HCRTR2: variants seen among roughly 807,000 people sequenced by gnomAD.
HCRTR2 encodes the protein hypocretin receptor 2.
HCRTR2 carries 22 observed loss-of-function variants against 49.0 expected under a neutral mutation model. That is an observed-to-expected ratio of 0.45 (90% CI 0.32 to 0.64). The LOEUF is 0.64. Among genes scored for constraint, HCRTR2 ranks in the 30% least tolerant of loss-of-function variants. The probability of loss-of-function intolerance (pLI) is 0.04; values close to 1 mark genes in which losing one functional copy is unlikely to be tolerated. For synonymous variants in HCRTR2, 236 were observed against 205.3 expected (o/e 1.15, Z -1.28); for missense variants, 491 against 559.4 (o/e 0.88, Z 1.23).
chr6:55,275,851 C>T (rs532308782), intron 4 of HCRTR2, among the ~76,000 whole-genome samples: 2 of 152,054 alleles, frequency 1.3e-5, no homozygotes, highest in Admixed American at 6.6e-5. Context: ...CTCAGGTGAC[C>T]GAAAACTGTT....
At chr6:55,267,890 CA>C (rs548406791) in intron 4 of HCRTR2, among the ~76,000 whole-genome samples, 7 of 149,072 alleles carry the variant, frequency 4.7e-5, no homozygotes, top group East Asian at 3.9e-4. Flanking sequence ...CGAGTCCATA[CA>C]AAAAAAAATA....
At chr6:55,180,987 TTA>T (rs1765124066) in intron 1 of HCRTR2, among the ~76,000 whole-genome samples, 1 of 151,510 alleles carries the variant, frequency 6.6e-6, no homozygotes, top group Non-Finnish European at 1.5e-5. Context: ...TTTTGTATTT[TTA>T]GTAGAGATGG....
intron 1 of HCRTR2, among the ~76,000 whole-genome samples, chr6:55,195,050 A>T (rs1765385838): frequency 6.6e-6 from 1 of 152,150 alleles, no homozygotes; most frequent in South Asian, 2.1e-4. Context: ...ATGATCACCA[A>T]ACTTACCAGG....
At chr6:55,198,828 C>G (rs908903998) in intron 1 of HCRTR2, among the ~76,000 whole-genome samples, 1 of 152,188 alleles carries the variant, frequency 6.6e-6, no homozygotes, top group Non-Finnish European at 1.5e-5. Flanking sequence ...TCCCTAGTCC[C>G]CATACTGCCA....
chr6:55,174,732 C>T lies in HCRTR2; in HGVS notation c.145C>T (p.His49Tyr). 1.2e-6 allele frequency: 2 copies of T among 1,614,098 alleles called. No homozygotes were observed. Among genetic ancestry groups the T allele is most frequent in the South Asian group, 2.2e-5 (2 of 91,078 alleles). Residue 49 changes from histidine to tyrosine, a missense_variant, in exon 1 of 7, where the codon CAC becomes TAC. Transcript: ENST00000370862. ...GCGGTACCTGTGGAGGGAATACCTG[C>T]ACCCGAAAGAATATGAGTGGGTCCT... is the stretch of plus-strand genomic sequence containing the variant. Reference protein sequence around the residue: ...FLRYLWREYLHPKEYEWVLIA... With the variant: ...FLRYLWREYLYPKEYEWVLIA...
intron 1 of HCRTR2, among the ~76,000 whole-genome samples, chr6:55,228,069 T>A (rs771014363): frequency 6.6e-6 from 1 of 152,070 alleles, no homozygotes; most frequent in South Asian, 2.1e-4. Flanking sequence ...CTTATACAAA[T>A]GCAGAAGTCA....
intron 1 of HCRTR2, 77 bp downstream of exon 1, chr6:55,174,887 C>A: frequency 1.1e-5 from 12 of 1,085,898 alleles, no homozygotes; most frequent in Non-Finnish European, 1.7e-5. Flanking sequence ...TCTAAAGAGA[C>A]CCCTCCCTCC....
rs80058765 is a variant in HCRTR2, at chr6:55,280,655, T to A, written c.1105+211T>A. On this transcript the variant is annotated intron_variant, in intron 6 of 6. Coordinates refer to ENST00000370862, the MANE Select transcript of HCRTR2 (RefSeq NM_001384272.1). ...AACTGATTTTTCCATGTCAAACGTA[T>A]AAGAAATGTTATAATAGAAGAAAAG... The A allele has an allele frequency of 1.9e-3, 324 of 167,772 alleles. 2 individuals carry two copies. Among genetic ancestry groups the A allele is most frequent in the African/African-American group, 6.3e-3 (264 of 41,816 alleles). The allele number at this position is 167,772 out of a possible 1,614,324, so 10.4% of individuals were successfully genotyped here.
At chr6:55,261,374 C>G (rs1766752712) in intron 3 of HCRTR2, among the ~76,000 whole-genome samples, 5 of 152,052 alleles carry the variant, frequency 3.3e-5, no homozygotes, top group Admixed American at 2.6e-4. Context: ...AAATGCAAAT[C>G]AAAACCACAA....
intron 1 of HCRTR2, among the ~76,000 whole-genome samples, chr6:55,246,977 G>C (rs1766457119): frequency 6.6e-6 from 1 of 152,022 alleles, no homozygotes; most frequent in Non-Finnish European, 1.5e-5. Flanking sequence ...TAAAAGATTA[G>C]AAATAATTGC....
intron 4 of HCRTR2, among the ~76,000 whole-genome samples, chr6:55,275,824 G>A (rs1253205644): frequency 6.6e-6 from 1 of 151,962 alleles, no homozygotes; most frequent in Admixed American, 6.6e-5. Context: ...TGGTCAGGCT[G>A]GTCATGAACT....
intron 2 of HCRTR2, among the ~76,000 whole-genome samples, chr6:55,250,429 A>G (rs1388655625): frequency 1.3e-5 from 2 of 152,176 alleles, no homozygotes; most frequent in African/African-American, 4.8e-5. Flanking sequence ...TCTTGGTTTC[A>G]ATAACTACCC....
chr6:55,174,888 C>G, intron 1 of HCRTR2, 78 bp downstream of exon 1: 2 of 1,083,742 alleles, frequency 1.8e-6, no homozygotes, highest in South Asian at 2.5e-5. Flanking sequence ...CTAAAGAGAC[C>G]CCTCCCTCCC....
chr6:55,230,457 T>A (rs930594404), intron 1 of HCRTR2, among the ~76,000 whole-genome samples: 1 of 152,232 alleles, frequency 6.6e-6, no homozygotes, highest in East Asian at 1.9e-4. Context: ...CACTTTAAAA[T>A]GTATAATCTA....
chr6:55,115,118 T>A lies in HCRTR2; in HGVS notation c.-378+8573T>A, dbSNP rs533444526. 9.9e-5 allele frequency among the ~76,000 whole-genome samples: 15 copies of A among 151,960 alleles called. No homozygotes were observed. The East Asian group carries it at 2.7e-3, about 27-fold the overall frequency. On this transcript the variant is annotated intron_variant, in intron 1 of 7. Coordinates refer to the HCRTR2 transcript ENST00000615358. Reference sequence around the variant, plus strand: ...TACTACCTTAGCATAGTTAGTATAATCCTGAGTTTATTACCTTATCTCTTC... The same window carrying A: ...TACTACCTTAGCATAGTTAGTATAAACCTGAGTTTATTACCTTATCTCTTC...
At chr6:55,219,609 A>T (rs534138238) in intron 1 of HCRTR2, among the ~76,000 whole-genome samples, 32 of 152,238 alleles carry the variant, frequency 2.1e-4, no homozygotes, top group Admixed American at 3.3e-4. Flanking sequence ...TAAAAGAAAA[A>T]AGATTTTAAG....
At chr6:55,127,972 G>T (rs1379689166) in intron 1 of HCRTR2, among the ~76,000 whole-genome samples, 1 of 152,090 alleles carries the variant, frequency 6.6e-6, no homozygotes, top group South Asian at 2.1e-4. Context: ...ATTGTTTTTG[G>T]CATCTTTGTC....
rs1765009753 is a variant in HCRTR2 at position 55,174,817 on chromosome 6, C to T, written c.223+7C>T. ...CTCATTGGGAACGTCCTGGGTGAGTCTCCTCCCGGGCAGCCCTCCTAGGGG... is the reference window on the plus strand; with the variant it reads ...CTCATTGGGAACGTCCTGGGTGAGTTTCCTCCCGGGCAGCCCTCCTAGGGG... On this transcript the variant is annotated splice_region_variant and intron_variant, in intron 1 of 6. Coordinates refer to ENST00000370862, the MANE Select transcript of HCRTR2 (RefSeq NM_001384272.1). The T allele has an allele frequency of 1.2e-6, 2 of 1,611,368 alleles. No homozygotes were observed. Among genetic ancestry groups the T allele is most frequent in the Non-Finnish European group, 8.5e-7 (1 of 1,177,700 alleles).
chr6:55,284,307 T>C (rs1314172686), downstream of HCRTR2, among the ~76,000 whole-genome samples: 3 of 152,100 alleles, frequency 2.0e-5, no homozygotes, highest in Non-Finnish European at 4.4e-5. Flanking sequence ...CAGAATTCCT[T>C]TGCTCTAAAT....
Sources: allele counts gnomAD v4.1 joint callset (sites outside exome capture counted in the v4.1 genomes callset), GRCh38; gene constraint gnomAD v4.1.1; transcripts MANE v1.5; gene names NCBI Gene and HGNC (gene_info 2026-07-23, HGNC 2026-07-21).